Variants in CABLES1 observed in about 807,000 individuals in gnomAD.
CABLES1 encodes Cdk5 and Abl enzyme substrate 1, also known as CDK5 and ABL1 enzyme substrate 1.
A neutral mutation model predicts 57.8 loss-of-function variants in CABLES1; 36 were observed. That is an observed-to-expected ratio of 0.62 (90% CI 0.48 to 0.82). The LOEUF (loss-of-function observed/expected upper bound fraction) is 0.82, where lower values mean the gene tolerates loss of function less well. Among genes scored for constraint, CABLES1 ranks in the 40% least tolerant of loss-of-function variants. The probability of loss-of-function intolerance (pLI) is 0.00; values close to 1 mark genes in which losing one functional copy is unlikely to be tolerated. For missense variants in CABLES1, 767 were observed against 836.6 expected (o/e 0.92, Z 1.03); for synonymous variants, 374 against 363.0 (o/e 1.03, Z -0.35).
At chr18:23,149,136 C>T (rs568115799) in intron 1 of CABLES1, among the ~76,000 whole-genome samples, 7 of 152,208 alleles carry the variant, frequency 4.6e-5, no homozygotes, top group African/African-American at 1.7e-4. Context: ...TCAGGTGATC[C>T]ACCTGCCTCA....
intron 1 of CABLES1, among the ~76,000 whole-genome samples, chr18:23,140,082 GC>G (rs2046848211): frequency 6.6e-6 from 1 of 152,184 alleles, no homozygotes; most frequent in Admixed American, 6.5e-5. Flanking sequence ...GCACTGGGAA[GC>G]CAACAGGCTG....
chr18:23,209,921 C>T (rs574526119), intron 3 of CABLES1, among the ~76,000 whole-genome samples: 40 of 152,302 alleles, frequency 2.6e-4, no homozygotes, highest in Middle Eastern at 3.4e-3. Flanking sequence ...TCTGGACACT[C>T]AGCATCTTGT....
rs527463732 is a variant in CABLES1 at position 23,171,388 on chromosome 18, G to C, written c.846-17450G>C. On this transcript the variant is annotated intron_variant, in intron 1 of 9. Transcript: ENST00000256925. Reference sequence around the variant, plus strand: ...GGTGGATGACTGAATGCATCAATGAGTGAGTTTATAATGTGACGAGCTCTG... The same window carrying C: ...GGTGGATGACTGAATGCATCAATGACTGAGTTTATAATGTGACGAGCTCTG... Among the ~76,000 whole-genome samples the C allele has an allele frequency of 2.6e-5, 4 of 152,332 alleles. No individual in the cohort carries two copies. In the East Asian group the frequency reaches 7.7e-4, roughly 29 times the overall value.
chr18:23,238,817 G>A (rs1309907157), intron 7 of CABLES1, among the ~76,000 whole-genome samples: 1 of 152,194 alleles, frequency 6.6e-6, no homozygotes, highest in African/African-American at 2.4e-5. Flanking sequence ...CCTGGCTCGA[G>A]GCTGTTTTCA....
intron 4 of CABLES1, among the ~76,000 whole-genome samples, chr18:23,216,758 C>G (rs758544180): frequency 5.9e-5 from 9 of 152,082 alleles, no homozygotes. Context: ...CACTGGACAT[C>G]CTTGTGGATA....
intron 1 of CABLES1, among the ~76,000 whole-genome samples, chr18:23,165,031 C>T (rs2047032165): frequency 2.0e-5 from 3 of 152,112 alleles, no homozygotes; most frequent in South Asian, 2.1e-4. Flanking sequence ...CCTCAGCCTC[C>T]CAAAGTGCTG....
At chr18:23,191,582 A>C (rs1039202788) in intron 2 of CABLES1, among the ~76,000 whole-genome samples, 4 of 152,232 alleles carry the variant, frequency 2.6e-5, no homozygotes, top group African/African-American at 9.6e-5. Context: ...TTTTAAGCTT[A>C]GCAGAAGAAC....
intron 2 of CABLES1, chr18:23,190,379 G>T (rs1448836924): frequency 1.3e-5 from 2 of 152,212 alleles, no homozygotes; most frequent in African/African-American, 4.8e-5. Context: ...TTGGAACAAC[G>T]TGGCCACTGT....
At chr18:23,204,074 T>C (rs528319832) in intron 3 of CABLES1, among the ~76,000 whole-genome samples, 1 of 152,272 alleles carries the variant, frequency 6.6e-6, no homozygotes, top group East Asian at 1.9e-4. Flanking sequence ...TCCAGGCTCT[T>C]CCTTCACTGA....
intron 1 of CABLES1, among the ~76,000 whole-genome samples, chr18:23,166,280 C>T (rs2047042048): frequency 6.6e-6 from 1 of 151,790 alleles, no homozygotes; most frequent in South Asian, 2.1e-4. Context: ...TGGCTTACTG[C>T]AACCTCCGCC....
chr18:23,167,319 A>G (rs945286180), intron 1 of CABLES1, among the ~76,000 whole-genome samples: 14 of 152,034 alleles, frequency 9.2e-5, no homozygotes, highest in African/African-American at 2.7e-4. Context: ...CACCTCCCCC[A>G]GTGGAGAATG....
At chr18:23,235,312 C>T (rs531958066) in intron 5 of CABLES1, among the ~76,000 whole-genome samples, 4 of 152,344 alleles carry the variant, frequency 2.6e-5, no homozygotes, top group Non-Finnish European at 2.9e-5. Flanking sequence ...GTTTGTTTGC[C>T]GATGAGGCTG....
At chr18:23,216,036 G>A (rs776285760) in intron 4 of CABLES1, among the ~76,000 whole-genome samples, 2 of 152,216 alleles carry the variant, frequency 1.3e-5, no homozygotes, top group Admixed American at 6.5e-5. Context: ...TTACAGGCGT[G>A]AGCCACCACG....
chr18:23,191,252 AAAAG>A (rs757992972), intron 2 of CABLES1, among the ~76,000 whole-genome samples: 18 of 152,288 alleles, frequency 1.2e-4, no homozygotes, highest in Non-Finnish European at 2.6e-4. Context: ...AAACTTAAAA[AAAAG>A]AGAACTTAAA....
chr18:23,169,112 T>G (rs4510134), intron 1 of CABLES1, among the ~76,000 whole-genome samples: 118,905 of 152,078 alleles, frequency 0.78, 46,724 homozygotes, highest in Middle Eastern at 0.87. Flanking sequence ...TCCTCACTGC[T>G]ACACTCCCAC....
intron 3 of CABLES1, among the ~76,000 whole-genome samples, chr18:23,209,408 A>AT (rs1055676512): frequency 6.6e-6 from 1 of 152,192 alleles, no homozygotes; most frequent in Admixed American, 6.5e-5. Flanking sequence ...GGGTTCCAAC[A>AT]TGTCATTTGG....
rs138904467 is a variant in CABLES1 at position 23,171,108 on chromosome 18, T to C, written c.846-17730T>C. On this transcript the variant is annotated intron_variant, in intron 1 of 9. Coordinates refer to ENST00000256925, the MANE Select transcript of CABLES1 (RefSeq NM_001100619.3). ...ACTGCGCCCGGCCTGTTCTTTCCTTTAGAGATTAAGTTATTGGGGAGGGAG... is the reference window on the plus strand; with the variant it reads ...ACTGCGCCCGGCCTGTTCTTTCCTTCAGAGATTAAGTTATTGGGGAGGGAG... Among the ~76,000 whole-genome samples the C allele has an allele frequency of 1.4e-3, 211 of 152,336 alleles. 2 individuals carry two copies. The highest frequency in any genetic ancestry group is 5.0e-3 in the African/African-American group (207 of 41,582).
chr18:23,179,362 T>A (rs1204756744), intron 1 of CABLES1, among the ~76,000 whole-genome samples: 1 of 152,208 alleles, frequency 6.6e-6, no homozygotes, highest in African/African-American at 2.4e-5. Context: ...TTAAAGATAA[T>A]CCTGTCTTCC....
chr18:23,214,286 T>C, intron 4 of CABLES1: 1 of 444,862 alleles, frequency 2.2e-6, no homozygotes, highest in Non-Finnish European at 4.0e-6. Context: ...TTTCTAAATC[T>C]ACATTTTGTT....
Sources: gnomAD v4.1 joint callset for allele counts (sites outside exome capture counted in the v4.1 genomes callset) on GRCh38, gnomAD v4.1.1 for gene constraint, MANE v1.5 for transcripts, NCBI Gene and HGNC (gene_info 2026-07-23, HGNC 2026-07-21) for gene names.